EXOG: variants seen among roughly 807,000 people sequenced by gnomAD.
EXOG encodes exo/endonuclease G.
EXOG carries 27 observed loss-of-function variants against 25.8 expected under a neutral mutation model. The observed-to-expected ratio is 1.05, with a 90% CI of 0.77 to 1.45. EXOG has a LOEUF of 1.45. EXOG is among the 40% of genes most tolerant of loss of function. EXOG has a pLI of 0.00. For missense variants in EXOG, 458 were observed against 450.5 expected (o/e 1.02, Z -0.15); for synonymous variants, 133 against 167.0 (o/e 0.80, Z 1.57).
intron 4 of EXOG, among the ~76,000 whole-genome samples, chr3:38,506,062 G>A (rs1575626214): frequency 1.3e-5 from 2 of 151,824 alleles, no homozygotes; most frequent in Non-Finnish European, 1.5e-5. Context: ...CCAGCTACTC[G>A]GGAGGTTGAG....
Position 38,525,006 on chromosome 3 carries a change from A to G in EXOG, c.*644A>G. ...AATCCTCTGTGTAGTTCCTGTCCAC[A>G]TGCACTATATATTTGTTTCTTTTTT... On this transcript the variant is annotated 3_prime_UTR_variant, in exon 6 of 6. Coordinates refer to ENST00000287675, the MANE Select transcript of EXOG (RefSeq NM_005107.4). 2.0e-6 allele frequency: 2 copies of G among 985,350 alleles called. No homozygotes were observed. The highest frequency in any genetic ancestry group is 2.4e-6 in the Non-Finnish European group (2 of 829,910). 61.0% of individuals were successfully genotyped at this position (985,350 alleles called of 1,614,324 possible).
chr3:38,519,371 C>G (rs993805435), intron 5 of EXOG: 1 of 152,160 alleles, frequency 6.6e-6, no homozygotes, highest in African/African-American at 2.4e-5. Flanking sequence ...AATGGTCTGA[C>G]AAGAAAGTGA....
At chr3:38,501,279 C>G (rs145135981) in intron 2 of EXOG, 76 bp from the exon 3 acceptor site, 3 of 1,298,382 alleles carry the variant, frequency 2.3e-6, no homozygotes, top group African/African-American at 1.5e-5. Flanking sequence ...CAGTAGCAAC[C>G]AGCTTGCCTT....
At chr3:38,501,641 T>C (rs1312222781) in intron 3 of EXOG, 147 bp downstream of exon 3, 2 of 668,882 alleles carry the variant, frequency 3.0e-6, no homozygotes, top group African/African-American at 3.6e-5. Context: ...TGTCTCTTCT[T>C]TCAATCACAT....
At chr3:38,502,470 A>C (rs1045415279) in intron 3 of EXOG, among the ~76,000 whole-genome samples, 2 of 152,234 alleles carry the variant, frequency 1.3e-5, no homozygotes, top group African/African-American at 4.8e-5. Context: ...AAACATTGAT[A>C]CATTTACTTT....
rs184285683 is a variant in EXOG at position 38,510,370 on chromosome 3, G to A, written c.645+3402G>A. 9.3e-4 allele frequency among the ~76,000 whole-genome samples: 141 copies of A among 152,256 alleles called. 1 individual carries two copies. Among genetic ancestry groups the A allele is most frequent in the Non-Finnish European group, 1.3e-3 (88 of 67,988 alleles). On this transcript the variant is annotated intron_variant, in intron 5 of 5. Coordinates refer to ENST00000287675, the MANE Select transcript of EXOG (RefSeq NM_005107.4). ...GTTATTGGGAGAATTGGCAACATTC[G>A]AGGTCTGTTATCTAATATACAAATT...
In EXOG at chr3:38,524,237, A is replaced by T. The variant is rs1171768593; in HGVS notation, c.982A>T (p.Ile328Phe). Residue 328 changes from isoleucine (I) to phenylalanine (F), a missense_variant, in exon 6 of 6, where the codon ATC (isoleucine) becomes TTC (phenylalanine). Transcript: ENST00000287675. Reference protein sequence around the residue: ...GARSVLRLEKIMENLKNAEIE... With the variant: ...GARSVLRLEKFMENLKNAEIE... ...CCGATCAGTGCTCAGACTGGAAAAG[A>T]TCATGGAAAACTTGAAGAATGCAGA... 1 of 1,614,200 alleles carries T rather than the reference A, an allele frequency of 6.2e-7. No individual in the cohort carries two copies. The highest frequency in any genetic ancestry group is 1.3e-5 in the African/African-American group (1 of 75,064).
At position 38,496,831 on chromosome 3, in the gene EXOG, T is replaced by C. The variant is rs759493678; in HGVS notation, c.163+301T>C. 53 of 1,378,968 alleles carry C rather than the reference T, an allele frequency of 3.8e-5. No individual in the cohort carries two copies. In the African/African-American group the frequency reaches 7.7e-4, roughly 20 times the overall value. 85.4% of individuals were successfully genotyped at this position (1,378,968 alleles called of 1,614,324 possible). A position where few individuals can be genotyped will look rare whatever the true frequency, so the allele number is the denominator to read the frequency against. Reference sequence around the variant, plus strand: ...CGATATCTATGTTTTAATGTCTGTGTTCTCTACTAAGATTGTTAGCTCCAT... The same window carrying C: ...CGATATCTATGTTTTAATGTCTGTGCTCTCTACTAAGATTGTTAGCTCCAT... On this transcript the variant is annotated intron_variant, in intron 1 of 5. Transcript: ENST00000287675.
intron 5 of EXOG, among the ~76,000 whole-genome samples, chr3:38,520,337 T>C (rs1030607665): frequency 6.6e-6 from 1 of 152,216 alleles, no homozygotes; most frequent in Admixed American, 6.5e-5. Context: ...TAACTCCCAG[T>C]TGACTTCCAA....
Position 38,524,182 on chromosome 3 carries a change from G to A in EXOG, c.927G>A (p.Leu309=), listed in dbSNP as rs2060814860. ...TCCTGGATTTCCAGGAGTTCACCTT[G>A]TACTTGAGTACAAGAAAGATTGAAG... The part of the protein sequence containing the change: ...CKLLDFQEFT[L]YLSTRKIEGA... The change falls in exon 6 of 6, where the codon TTG becomes TTA. Residue 309 remains leucine (L), a synonymous_variant. Coordinates refer to ENST00000287675, the MANE Select transcript of EXOG (RefSeq NM_005107.4). 1 of 1,614,038 alleles carries A rather than the reference G, an allele frequency of 6.2e-7. No individual in the cohort carries two copies. The highest frequency in any genetic ancestry group is 1.1e-5 in the South Asian group (1 of 91,080).
chr3:38,498,039 C>G lies in EXOG; in HGVS notation c.313+261C>G, dbSNP rs1158255887. The G allele has an allele frequency of 1.0e-5, 4 of 388,760 alleles. No individual in the cohort carries two copies. In the Admixed American group the frequency reaches 1.8e-4, roughly 18 times the overall value. 24.1% of individuals were successfully genotyped at this position (388,760 alleles called of 1,614,324 possible). A position where few individuals can be genotyped will look rare whatever the true frequency, so the allele number is the denominator to read the frequency against. On this transcript the variant is annotated intron_variant, in intron 2 of 5. Transcript: ENST00000287675. Reference sequence around the variant, plus strand: ...CTGTCATAAATATTACAGCAATGAGCACCATTCAGTTTTACCTTAACAAAT... The same window carrying G: ...CTGTCATAAATATTACAGCAATGAGGACCATTCAGTTTTACCTTAACAAAT...
rs151315794 is a variant in EXOG, at chr3:38,523,432, C to T, written c.646-469C>T. 644 of 471,252 alleles carry T rather than the reference C, an allele frequency of 1.4e-3. 3 individuals are homozygous for T. In the Middle Eastern group the frequency reaches 0.015, roughly 11 times the overall value. 29.2% of individuals were successfully genotyped at this position (471,252 alleles called of 1,614,324 possible). On this transcript the variant is annotated intron_variant, in intron 5 of 5. Transcript: ENST00000287675. ...AGGCTGGAGTGCAGTGGTGCAATCT[C>T]GGCTCACTGCACCCTCTGCCTCCTG...
intron 2 of EXOG, 67 bp downstream of exon 2, chr3:38,497,845 G>C: frequency 2.6e-6 from 4 of 1,522,550 alleles, no homozygotes; most frequent in Non-Finnish European, 3.5e-6. Context: ...TTTAAAACAG[G>C]GATGATTATT....
chr3:38,524,522 C>A lies in EXOG; in HGVS notation c.*160C>A. On this transcript the variant is annotated 3_prime_UTR_variant, in exon 6 of 6. Transcript: ENST00000287675. ...CCAGGCTGGAGTGCAGTGGTGGAAT[C>A]ATAGCTCACTATAGCCTCAAACTTC... 7.5e-7 allele frequency: 1 copy of A among 1,341,714 alleles called. No homozygotes were observed. The highest frequency in any genetic ancestry group is 9.8e-7 in the Non-Finnish European group (1 of 1,025,178). 83.1% of individuals were successfully genotyped at this position (1,341,714 alleles called of 1,614,324 possible).
chr3:38,499,953 G>C (rs1221567103), intron 2 of EXOG: 1 of 317,282 alleles, frequency 3.2e-6, no homozygotes, highest in Non-Finnish European at 6.2e-6. Context: ...TTGAAGGAAA[G>C]ACCTAAGACT....
At chr3:38,504,401 G>A (rs1294091013) in intron 4 of EXOG, among the ~76,000 whole-genome samples, 2 of 152,022 alleles carry the variant, frequency 1.3e-5, no homozygotes, top group East Asian at 1.9e-4. Flanking sequence ...AAAAGTTGGG[G>A]TATAGTTTAA....
intron 5 of EXOG, chr3:38,513,782 G>A (rs1283450092): frequency 6.6e-6 from 1 of 152,116 alleles, no homozygotes; most frequent in Non-Finnish European, 1.5e-5. Context: ...GGTACCTGGT[G>A]CTGTTCTGGG....
chr3:38,497,341 T>A, intron 1 of EXOG: 1 of 1,133,104 alleles, frequency 8.8e-7, no homozygotes, highest in South Asian at 3.0e-5. Context: ...ATTTGGAAAT[T>A]TGATGTGAAA....
At chr3:38,508,717 C>CCA (rs2060278253) in intron 5 of EXOG, among the ~76,000 whole-genome samples, 1 of 149,104 alleles carries the variant, frequency 6.7e-6, no homozygotes. Flanking sequence ...AACCACCCCC[C>CCA]CCCCAAAAAA....
Sources: gnomAD v4.1 joint callset for allele counts (sites outside exome capture counted in the v4.1 genomes callset) on GRCh38, gnomAD v4.1.1 for gene constraint, MANE v1.5 for transcripts, NCBI Gene and HGNC (gene_info 2026-07-23, HGNC 2026-07-21) for gene names.